The following TANC2 variants were observed in gnomAD, a reference collection of about 807,000 sequenced individuals.
TANC2 encodes the protein protein TANC2.
In TANC2, 26 loss-of-function variants were observed where a neutral mutation model predicts 210.5. That is an observed-to-expected ratio of 0.12 (90% CI 0.09 to 0.17). The LOEUF is 0.17. TANC2 is among the 10% of genes least tolerant of loss of function. TANC2 has a pLI of 1.00. For missense variants in TANC2, 2,129 were observed against 2,608.9 expected (o/e 0.82, Z 4.01); for synonymous variants, 931 against 967.1 (o/e 0.96, Z 0.69).
intron 26 of TANC2, 108 bp downstream of exon 26, chr17:63,415,782 A>G: frequency 7.2e-7 from 1 of 1,379,918 alleles, no homozygotes; most frequent in Non-Finnish European, 9.8e-7. Context: ...CCCATTTGGA[A>G]CTTGGTTGTC....
At chr17:63,062,325 T>G (rs905687797) in intron 2 of TANC2, among the ~76,000 whole-genome samples, 1 of 152,232 alleles carries the variant, frequency 6.6e-6, no homozygotes, top group Non-Finnish European at 1.5e-5. Flanking sequence ...TCTAGCACTG[T>G]TCTCCTCTTG....
chr17:63,014,206 G>A lies in TANC2; in HGVS notation c.67+4580G>A, dbSNP rs1053501740. 7.3e-5 allele frequency among the ~76,000 whole-genome samples: 11 copies of A among 151,018 alleles called. No individual in the cohort carries two copies. In the East Asian group the frequency reaches 1.4e-3, roughly 19 times the overall value. The stretch of plus-strand genomic sequence containing the variant: ...CAATTCCAAAATTTCTATTTGATTC[G>A]TTAAAAATTTTAAATCTTTATTGGT... On this transcript the variant is annotated intron_variant, in intron 2 of 27. Coordinates refer to ENST00000689528, the Ensembl canonical transcript of TANC2.
At chr17:63,003,029 A>G (rs1486122105) in intron 1 of TANC2, among the ~76,000 whole-genome samples, 3 of 152,202 alleles carry the variant, frequency 2.0e-5, no homozygotes, top group Non-Finnish European at 4.4e-5. Context: ...AAGTTTCATA[A>G]TAAACAGCTA....
chr17:63,362,860 A>G (rs1257140630), intron 14 of TANC2, among the ~76,000 whole-genome samples: 1 of 151,922 alleles, frequency 6.6e-6, no homozygotes, highest in Non-Finnish European at 1.5e-5. Flanking sequence ...CAGGGCTCCC[A>G]CCCTGACAAC....
intron 11 of TANC2, among the ~76,000 whole-genome samples, chr17:63,321,909 G>T (rs1194227107): frequency 1.3e-5 from 2 of 152,066 alleles, no homozygotes; most frequent in Non-Finnish European, 2.9e-5. Context: ...TGTGTTTTCA[G>T]GTCCCTTCAC....
chr17:63,287,109 T>A (rs971699453), intron 9 of TANC2, among the ~76,000 whole-genome samples: 14 of 152,104 alleles, frequency 9.2e-5, no homozygotes, highest in Non-Finnish European at 1.5e-5. Context: ...ATTTTTCTAT[T>A]TTTAGTAGAG....
At chr17:63,189,381 A>G (rs908232308) in intron 5 of TANC2, among the ~76,000 whole-genome samples, 4 of 152,182 alleles carry the variant, frequency 2.6e-5, no homozygotes, top group Non-Finnish European at 4.4e-5. Flanking sequence ...CATTGCTACC[A>G]TTATTGTATG....
At chr17:63,393,435 C>T (rs1403091592) in intron 17 of TANC2, 1 of 152,196 alleles carries the variant, frequency 6.6e-6, no homozygotes, top group Non-Finnish European at 1.5e-5. Context: ...AAGGCCACCG[C>T]ACAATACCTG....
intron 1 of TANC2, among the ~76,000 whole-genome samples, chr17:62,974,498 T>C (rs1017831465): frequency 6.6e-6 from 1 of 152,206 alleles, no homozygotes; most frequent in Non-Finnish European, 1.5e-5. Flanking sequence ...GGATTAGTTA[T>C]GTTGGAAAAA....
intron 7 of TANC2, among the ~76,000 whole-genome samples, chr17:63,223,200 T>G (rs753251485): frequency 6.6e-6 from 1 of 152,142 alleles, no homozygotes; most frequent in Non-Finnish European, 1.5e-5. Context: ...TTGCACAACA[T>G]TGGGAATGTA....
At chr17:63,331,152 T>C (rs1305180113) in intron 11 of TANC2, among the ~76,000 whole-genome samples, 3 of 152,246 alleles carry the variant, frequency 2.0e-5, no homozygotes, top group East Asian at 1.9e-4. Context: ...TTAGAAAATA[T>C]GGTTTTTAAA....
At chr17:63,166,875 C>T (rs1425794717) in intron 5 of TANC2, among the ~76,000 whole-genome samples, 2 of 151,946 alleles carry the variant, frequency 1.3e-5, no homozygotes, top group Non-Finnish European at 2.9e-5. Context: ...TCCTGTGGGG[C>T]TAAGAATGGT....
intron 8 of TANC2, among the ~76,000 whole-genome samples, chr17:63,242,239 C>T (rs1053353158): frequency 5.1e-4 from 77 of 152,064 alleles, no homozygotes; most frequent in Non-Finnish European, 1.2e-4. Flanking sequence ...TCCTGTACTC[C>T]TATAAAAGCC....
At chr17:63,340,817 A>T (rs541106029) in intron 12 of TANC2, among the ~76,000 whole-genome samples, 1 of 152,346 alleles carries the variant, frequency 6.6e-6, no homozygotes, top group Non-Finnish European at 1.5e-5. Context: ...TTTAAAATCT[A>T]CTTAAGGGGC....
At chr17:62,978,661 C>T (rs1447659956) in intron 1 of TANC2, 1 of 152,126 alleles carries the variant, frequency 6.6e-6, no homozygotes, top group Non-Finnish European at 1.5e-5. Context: ...TTGAGGAGCA[C>T]CTTTTTGGCC....
intron 2 of TANC2, among the ~76,000 whole-genome samples, chr17:63,032,614 G>A (rs890478528): frequency 1.3e-5 from 2 of 151,934 alleles, no homozygotes; most frequent in African/African-American, 4.8e-5. Flanking sequence ...AATGAAGGAA[G>A]AGCCTTAGTC....
chr17:63,358,376 A>T (rs77387833), intron 14 of TANC2, among the ~76,000 whole-genome samples: 7,073 of 80,416 alleles, frequency 0.088, 294 homozygotes, highest in African/African-American at 0.17. Flanking sequence ...AGAGAGAGAG[A>T]GTATGTGTGT....
intron 2 of TANC2, among the ~76,000 whole-genome samples, chr17:63,069,316 G>A (rs114564447): frequency 0.01 from 1,563 of 152,224 alleles, 24 homozygotes; most frequent in African/African-American, 0.029. Flanking sequence ...GTGAATTCTA[G>A]AATATTTAGC....
chr17:63,135,595 T>C (rs1451440207), intron 4 of TANC2, among the ~76,000 whole-genome samples: 1 of 152,174 alleles, frequency 6.6e-6, no homozygotes, highest in Non-Finnish European at 1.5e-5. Flanking sequence ...TACAAAATTT[T>C]AACAGAGATA....
Sources: allele counts gnomAD v4.1 joint callset (sites outside exome capture counted in the v4.1 genomes callset), GRCh38; gene constraint gnomAD v4.1.1; transcripts MANE v1.5; gene names NCBI Gene and HGNC (gene_info 2026-07-23, HGNC 2026-07-21).